The following HIVEP1 variants were observed in gnomAD, a reference collection of about 807,000 sequenced individuals.
HIVEP1 encodes HIVEP zinc finger 1.
In HIVEP1, 36 loss-of-function variants were observed where a neutral mutation model predicts 180.0. That is an observed-to-expected ratio of 0.20 (90% CI 0.15 to 0.26). The LOEUF (loss-of-function observed/expected upper bound fraction) is 0.26. Among genes scored for constraint, HIVEP1 ranks in the 10% least tolerant of loss-of-function variants. The probability of loss-of-function intolerance (pLI) is 1.00; values close to 1 mark genes in which losing one functional copy is unlikely to be tolerated. For missense variants in HIVEP1, 3,143 were observed against 3,268.7 expected (o/e 0.96, Z 0.94); for synonymous variants, 1,239 against 1,239.0 (o/e 1.00, Z 0.00).
At chr6:12,188,462 GA>G in the HIVEP1 span, among the ~76,000 whole-genome samples, 1 of 152,100 alleles carries the variant, frequency 6.6e-6, no homozygotes, top group Non-Finnish European at 1.5e-5. Flanking sequence ...TGAAAAGTAG[GA>G]AAGGAAGAAG....
At chr6:12,039,972 G>A (rs61266989) in intron 2 of HIVEP1, among the ~76,000 whole-genome samples, 4,408 of 152,258 alleles carry the variant, frequency 0.029, 213 homozygotes, top group African/African-American at 0.1. Context: ...GGACTCAACA[G>A]CAGTGGAGTC....
Position 12,124,454 on chromosome 6 carries a change from G to A in HIVEP1, c.4659G>A (p.Glu1553=), listed in dbSNP as rs1449082462. 19 of 1,614,096 alleles carry A rather than the reference G, an allele frequency of 1.2e-5. 1 individual carries two copies. The highest frequency in any genetic ancestry group is 1.6e-5 in the Non-Finnish European group (19 of 1,180,002). ...TTTTATCTGGGTCTTCTAAAAGTGAGGATTGCTTTGCTCCCAAATACCAAT... is the reference window on the plus strand; with the variant it reads ...TTTTATCTGGGTCTTCTAAAAGTGAAGATTGCTTTGCTCCCAAATACCAAT... The part of the protein sequence containing the change: ...NSVLSGSSKS[E]DCFAPKYQLH... The change falls in exon 4 of 9, where the codon GAG becomes GAA. Residue 1553 remains glutamate, a synonymous_variant. Transcript: ENST00000379388.
intron 3 of HIVEP1, among the ~76,000 whole-genome samples, chr6:12,116,061 A>G (rs374593468): frequency 3.3e-5 from 5 of 151,878 alleles, no homozygotes; most frequent in Admixed American, 1.3e-4. Flanking sequence ...CTTCATACCA[A>G]TTTTATTTCT....
the HIVEP1 span, among the ~76,000 whole-genome samples, chr6:12,194,794 T>C: frequency 2.0e-5 from 3 of 152,126 alleles, no homozygotes; most frequent in African/African-American, 4.8e-5. Flanking sequence ...AGAGCGAGAC[T>C]GTGTCTCAAA....
At chr6:12,017,397 G>A (rs956593871) in intron 2 of HIVEP1, among the ~76,000 whole-genome samples, 1 of 152,238 alleles carries the variant, frequency 6.6e-6, no homozygotes, top group African/African-American at 2.4e-5. Context: ...GCTGGTTCAG[G>A]AGTGAAGCTG....
At chr6:12,160,201 G>A (rs927677987) in intron 7 of HIVEP1, among the ~76,000 whole-genome samples, 4 of 152,186 alleles carry the variant, frequency 2.6e-5, no homozygotes, top group Non-Finnish European at 5.9e-5. Context: ...TTTTGAAAAT[G>A]TGAAGAGTTT....
chr6:12,140,718 G>T (rs955178319), intron 7 of HIVEP1, among the ~76,000 whole-genome samples: 1 of 152,146 alleles, frequency 6.6e-6, no homozygotes, highest in Non-Finnish European at 1.5e-5. Context: ...ACTACGTGAC[G>T]CATACACAAG....
chr6:12,101,701 CAA>C (rs1774123036), intron 3 of HIVEP1, among the ~76,000 whole-genome samples: 1 of 151,876 alleles, frequency 6.6e-6, no homozygotes, highest in South Asian at 2.1e-4. Flanking sequence ...AAAAAAGACA[CAA>C]GACATACAGA....
intron 4 of HIVEP1, 117 bp from the exon 5 acceptor site, chr6:12,129,642 A>T (rs1581747711): frequency 1.2e-6 from 1 of 811,520 alleles, no homozygotes; most frequent in Non-Finnish European, 2.1e-6. Context: ...TACTACTTTG[A>T]AATGCATTTC....
Position 12,074,744 on chromosome 6 carries a change from A to G in HIVEP1, c.41-14440A>G, listed in dbSNP as rs11756036. On this transcript the variant is annotated intron_variant, in intron 2 of 8. Coordinates refer to ENST00000379388, the MANE Select transcript of HIVEP1 (RefSeq NM_002114.4). ...GATCTTTTGAAGTTTTATTCTTTTT[A>G]AAAAATTATCACTTTTTTAATAGAA... Among the ~76,000 whole-genome samples, 6 of 147,044 alleles carry G rather than the reference A, an allele frequency of 4.1e-5. No homozygotes were observed. In the South Asian group the frequency reaches 1.3e-3, roughly 31 times the overall value.
intron 2 of HIVEP1, chr6:12,037,803 C>CCT (rs756351690): frequency 3.4e-4 from 149 of 444,638 alleles, no homozygotes; most frequent in African/African-American, 2.8e-3. Flanking sequence ...TGGGGACAAG[C>CCT]TAAGGCTTGT....
intron 6 of HIVEP1, 124 bp downstream of exon 6, chr6:12,131,066 C>G: frequency 1.7e-6 from 1 of 578,342 alleles, no homozygotes; most frequent in South Asian, 3.9e-5. Flanking sequence ...TCAATTACAT[C>G]TTGTCAATGT....
At chr6:12,058,161 C>T (rs1274156178) in intron 2 of HIVEP1, among the ~76,000 whole-genome samples, 1 of 151,804 alleles carries the variant, frequency 6.6e-6, no homozygotes, top group Non-Finnish European at 1.5e-5. Flanking sequence ...AACCAAAATG[C>T]TGCTGTCATG....
At chr6:12,010,927 C>G (rs762886852), upstream of HIVEP1, among the ~76,000 whole-genome samples, 29 of 152,164 alleles carry the variant, frequency 1.9e-4, no homozygotes, top group Non-Finnish European at 3.5e-4. Flanking sequence ...CGACCAGCCC[C>G]GCACCCCCCT....
intron 7 of HIVEP1, among the ~76,000 whole-genome samples, chr6:12,159,600 T>G (rs1362580777): frequency 6.6e-6 from 1 of 152,130 alleles, no homozygotes; most frequent in Non-Finnish European, 1.5e-5. Context: ...TATAAAAAAT[T>G]TTTAAAATAG....
At chr6:12,154,017 G>A (rs187160397) in intron 7 of HIVEP1, among the ~76,000 whole-genome samples, 198 of 152,308 alleles carry the variant, frequency 1.3e-3, no homozygotes, top group African/African-American at 4.5e-3. Flanking sequence ...GCATGGTGGC[G>A]GATGCCTGTG....
At chr6:12,126,465 A>G (rs58853119) in intron 4 of HIVEP1, among the ~76,000 whole-genome samples, 2,221 of 152,342 alleles carry the variant, frequency 0.015, 22 homozygotes, top group Middle Eastern at 0.058. Context: ...CAAGATTTAT[A>G]AAGTAATTTA....
upstream of HIVEP1, chr6:12,012,272 C>G (rs1306914919): frequency 2.7e-5 from 4 of 148,082 alleles, no homozygotes; most frequent in Non-Finnish European, 6.0e-5. Flanking sequence ...CCCCCCGGCC[C>G]GCTCCCCTGT....
At chr6:12,107,763 G>A (rs970324311) in intron 3 of HIVEP1, among the ~76,000 whole-genome samples, 5 of 152,170 alleles carry the variant, frequency 3.3e-5, no homozygotes, top group Admixed American at 6.5e-5. Flanking sequence ...CGTAGAAGGG[G>A]ACCCGAGCGG....
Sources: gnomAD v4.1 joint callset for allele counts (sites outside exome capture counted in the v4.1 genomes callset) on GRCh38, gnomAD v4.1.1 for gene constraint, MANE v1.5 for transcripts, NCBI Gene and HGNC (gene_info 2026-07-23, HGNC 2026-07-21) for gene names.